The following IFT25 variants were observed in gnomAD, a reference collection of about 807,000 sequenced individuals.
IFT25 encodes the protein intraflagellar transport protein 25 homolog.
the IFT25 span, chr1:53,945,899 ACCGAGTTCCCGGGC>A: frequency 2.2e-5 from 1 of 46,018 alleles, no homozygotes; most frequent in Non-Finnish European, 3.4e-5. Flanking sequence ...CGCTCGCTCC[ACCGAGTTCCCGGGC>A]GCGCTCGCTC....
At chr1:53,912,811 A>T in the IFT25 span, among the ~76,000 whole-genome samples, 2 of 152,200 alleles carry the variant, frequency 1.3e-5, no homozygotes, top group Non-Finnish European at 2.9e-5. Context: ...AATCACCTGG[A>T]GGGCTTGCTG....
the IFT25 span, among the ~76,000 whole-genome samples, chr1:53,942,745 G>C: frequency 6.6e-6 from 1 of 152,218 alleles, no homozygotes; most frequent in South Asian, 2.1e-4. Flanking sequence ...GCCAACCACT[G>C]TGCTAGTAGT....
the IFT25 span, chr1:53,939,887 A>G: frequency 1.4e-6 from 1 of 702,638 alleles, no homozygotes; most frequent in Admixed American, 2.9e-5. Context: ...CATTTATTAA[A>G]CTATGTTTAA....
chr1:53,943,265 A>T, the IFT25 span, among the ~76,000 whole-genome samples: 3 of 152,222 alleles, frequency 2.0e-5, no homozygotes, highest in Non-Finnish European at 4.4e-5. Context: ...CTACGAAGGA[A>T]GCCAAAGAAA....
the IFT25 span, among the ~76,000 whole-genome samples, chr1:53,931,505 T>C: frequency 6.6e-6 from 1 of 152,228 alleles, no homozygotes; most frequent in Non-Finnish European, 1.5e-5. Flanking sequence ...TGTGGAAGAC[T>C]GGTATTTCTT....
chr1:53,938,348 G>C, the IFT25 span, among the ~76,000 whole-genome samples: 8 of 152,172 alleles, frequency 5.3e-5, no homozygotes. Context: ...ATTCACAGTT[G>C]AGAGAGGGAA....
chr1:53,942,485 T>A, the IFT25 span, among the ~76,000 whole-genome samples: 8 of 152,256 alleles, frequency 5.3e-5, no homozygotes. Context: ...GCTGATTATA[T>A]GTTACAGTGA....
chr1:53,928,502 T>C, the IFT25 span: 1 of 1,209,360 alleles, frequency 8.3e-7, no homozygotes, highest in Non-Finnish European at 1.2e-6. Flanking sequence ...TCCCTATATT[T>C]CTTTTTCCCT....
chr1:53,944,672 G>A, the IFT25 span, among the ~76,000 whole-genome samples: 17 of 152,142 alleles, frequency 1.1e-4, no homozygotes, highest in African/African-American at 3.4e-4. Context: ...GGTTTGGGAG[G>A]TAGTCTAATC....
the IFT25 span, among the ~76,000 whole-genome samples, chr1:53,930,554 G>T: frequency 6.7e-6 from 1 of 149,260 alleles, no homozygotes; most frequent in East Asian, 2.0e-4. Context: ...CATTCATGAG[G>T]TTTTTTTTTT....
chr1:53,933,170 C>G, the IFT25 span, among the ~76,000 whole-genome samples: 1 of 140,620 alleles, frequency 7.1e-6, no homozygotes, highest in African/African-American at 2.7e-5. Context: ...GAGTCTCACT[C>G]TGTCGCCCAG....
At chr1:53,914,530 C>T in the IFT25 span, among the ~76,000 whole-genome samples, 1 of 151,954 alleles carries the variant, frequency 6.6e-6, no homozygotes, top group South Asian at 2.1e-4. Flanking sequence ...ATATATCATA[C>T]TTTCTAATAT....
chr1:53,940,230 C>A, the IFT25 span: 1 of 584,874 alleles, frequency 1.7e-6, no homozygotes, highest in Non-Finnish European at 3.0e-6. Flanking sequence ...GTGGGAGGGA[C>A]TCTAACATGT....
the IFT25 span, chr1:53,928,372 C>G: frequency 6.2e-6 from 10 of 1,609,428 alleles, no homozygotes; most frequent in Non-Finnish European, 8.5e-6. Context: ...AAACACATAC[C>G]TTTTTCAATC....
At chr1:53,945,193 A>C in the IFT25 span, among the ~76,000 whole-genome samples, 1 of 152,180 alleles carries the variant, frequency 6.6e-6, no homozygotes, top group African/African-American at 2.4e-5. Context: ...AGAATATATA[A>C]ATGCCCCCGA....
chr1:53,941,752 C>A, the IFT25 span, among the ~76,000 whole-genome samples: 2 of 152,006 alleles, frequency 1.3e-5, no homozygotes, highest in African/African-American at 4.8e-5. Flanking sequence ...GAAAATGTAA[C>A]CAAGGAAGTA....
At chr1:53,919,850 C>T in the IFT25 span, among the ~76,000 whole-genome samples, 2 of 151,386 alleles carry the variant, frequency 1.3e-5, no homozygotes, top group South Asian at 4.2e-4. Context: ...AGTGCAGTGG[C>T]ACAATCATGA....
the IFT25 span, among the ~76,000 whole-genome samples, chr1:53,933,135 C>CTTTTT: frequency 1.7e-4 from 22 of 131,278 alleles, 1 homozygote; most frequent in African/African-American, 5.3e-4. Flanking sequence ...TCCTTTTTCT[C>CTTTTT]TTTTTTTTTT....
the IFT25 span, chr1:53,921,567 A>C: frequency 1.2e-5 from 10 of 809,664 alleles, no homozygotes; most frequent in South Asian, 7.7e-5. Flanking sequence ...CAAATTGATA[A>C]AAATCCTTTT....
Sources: allele counts gnomAD v4.1 joint callset (sites outside exome capture counted in the v4.1 genomes callset), GRCh38; gene constraint gnomAD v4.1.1; transcripts MANE v1.5; gene names NCBI Gene and HGNC (gene_info 2026-07-23, HGNC 2026-07-21).